Variants in NHSL1 observed in about 807,000 individuals in gnomAD.
NHSL1 encodes NHS-like protein 1.
A neutral mutation model predicts 95.0 loss-of-function variants in NHSL1; 48 were observed. The ratio of observed to expected loss-of-function variants is 0.51; its 90% CI spans 0.40 to 0.64. The LOEUF (loss-of-function observed/expected upper bound fraction) is 0.64, where lower values mean the gene tolerates loss of function less well. NHSL1 is among the 30% of genes least tolerant of loss of function. The probability of loss-of-function intolerance (pLI) is 0.00; values close to 1 mark genes in which losing one functional copy is unlikely to be tolerated. For missense variants in NHSL1, 1,971 were observed against 2,077.7 expected (o/e 0.95, Z 1.00); for synonymous variants, 783 against 833.9 (o/e 0.94, Z 1.05).
chr6:138,527,322 T>C (rs910742316), intron 1 of NHSL1, among the ~76,000 whole-genome samples: 3 of 151,020 alleles, frequency 2.0e-5, no homozygotes, highest in African/African-American at 7.3e-5. Context: ...TCGCTCTGAG[T>C]TTGCTCACAA....
At chr6:138,665,334 T>C (rs1785280927) in intron 1 of NHSL1, among the ~76,000 whole-genome samples, 1 of 152,182 alleles carries the variant, frequency 6.6e-6, no homozygotes, top group African/African-American at 2.4e-5. Context: ...ATTGCCAACA[T>C]CCTGCTGAAT....
chr6:138,525,458 G>A (rs976033767), intron 1 of NHSL1, among the ~76,000 whole-genome samples: 5 of 151,714 alleles, frequency 3.3e-5, no homozygotes, highest in African/African-American at 1.2e-4. Context: ...AGCCCAGGAA[G>A]TCGAGGATGT....
intron 1 of NHSL1, among the ~76,000 whole-genome samples, chr6:138,608,603 C>G (rs57442951): frequency 0.068 from 10,358 of 152,232 alleles, 563 homozygotes; most frequent in East Asian, 0.27. Context: ...GTTATCCATA[C>G]TGAAAATTTT....
intron 1 of NHSL1, among the ~76,000 whole-genome samples, chr6:138,636,145 C>T (rs1253161645): frequency 6.7e-6 from 1 of 148,366 alleles, no homozygotes; most frequent in Non-Finnish European, 1.5e-5. Context: ...AAAAATACAT[C>T]AACAGAATGA....
At chr6:138,437,361 T>TAC (rs1776208114) in intron 5 of NHSL1, among the ~76,000 whole-genome samples, 3 of 54,070 alleles carry the variant, frequency 5.5e-5, no homozygotes, top group Non-Finnish European at 9.4e-5. Context: ...TATATACACA[T>TAC]ATATATATAT....
At chr6:138,509,804 A>G (rs1781135403) in intron 1 of NHSL1, among the ~76,000 whole-genome samples, 1 of 152,192 alleles carries the variant, frequency 6.6e-6, no homozygotes, top group African/African-American at 2.4e-5. Context: ...TAAACCACCT[A>G]GTGTCTGCAA....
upstream of NHSL1, among the ~76,000 whole-genome samples, chr6:138,547,308 T>C (rs1782836887): frequency 7.1e-6 from 1 of 139,878 alleles, no homozygotes; most frequent in Non-Finnish European, 1.5e-5. Flanking sequence ...AAGAGGTCTC[T>C]AGCCAGAAGC....
At chr6:138,691,293 T>G (rs907623629) in intron 1 of NHSL1, among the ~76,000 whole-genome samples, 4 of 152,218 alleles carry the variant, frequency 2.6e-5, no homozygotes, top group Non-Finnish European at 5.9e-5. Context: ...ATGAATGTGT[T>G]GACGGCACAA....
chr6:138,431,946 C>G lies in NHSL1; in HGVS notation c.2399G>C (p.Cys800Ser). The G allele has an allele frequency of 6.4e-7, 1 of 1,551,766 alleles. No individual in the cohort carries two copies. The highest frequency in any genetic ancestry group is 8.7e-7 in the Non-Finnish European group (1 of 1,147,004). Residue 800 changes from cysteine (C) to serine (S), a missense_variant, in exon 6 of 8, where the codon TGT becomes TCT. Around this residue, in one of 3 missense-constraint regions of NHSL1, gnomAD observed 1,602 missense variants for 1,654.5 expected, o/e 0.97. Coordinates refer to ENST00000343505, the MANE Select transcript of NHSL1 (RefSeq NM_001144060.2). This position sits in a 1 kb window ranked among gnomAD's most constrained non-coding sequence, Gnocchi z 4.0. ...QEDPGNPAGG[C>S]STSSGVPTGN... Reference sequence around the variant, plus strand: ...AGTGGGCACCCCACTGCTGGTTGAACAGCCCCCTGCCGGGTTCCCCGGATC... The same window carrying G: ...AGTGGGCACCCCACTGCTGGTTGAAGAGCCCCCTGCCGGGTTCCCCGGATC...
At chr6:138,479,001 C>G (rs1278044000) in intron 2 of NHSL1, among the ~76,000 whole-genome samples, 1 of 152,184 alleles carries the variant, frequency 6.6e-6, no homozygotes, top group East Asian at 1.9e-4. Context: ...CTCCAAATCT[C>G]TATGCATTAA....
chr6:138,432,606 C>T lies in NHSL1; in HGVS notation c.1739G>A (p.Ser580Asn), dbSNP rs903685056. ...GTCCAAACTGCAGCTGCTCATGTTA[C>T]TTGTGGGAGTGGAATAGCCAGGAGT... is the stretch of plus-strand genomic sequence containing the variant. ...LATPGYSTPTSNMSSCSLDQT... is the reference protein window; with the variant it reads ...LATPGYSTPTNNMSSCSLDQT... Residue 580 changes from serine (S) to asparagine (N), a missense_variant, in exon 6 of 8, where the codon AGT (serine) becomes AAT (asparagine). Physicochemically the swap from Ser to Asn is conservative, Grantham distance 46. Coordinates refer to ENST00000343505, the MANE Select transcript of NHSL1 (RefSeq NM_001144060.2). The surrounding 1 kb of genome is among the most constrained non-coding windows in gnomAD (Gnocchi z 4.4). 1 of 1,551,748 alleles carries T rather than the reference C, an allele frequency of 6.4e-7. No individual in the cohort carries two copies. Among genetic ancestry groups the T allele is most frequent in the South Asian group, 1.2e-5 (1 of 84,062 alleles).
chr6:138,629,487 A>G (rs561332684), intron 1 of NHSL1, among the ~76,000 whole-genome samples: 13 of 152,164 alleles, frequency 8.5e-5, no homozygotes, highest in Middle Eastern at 3.4e-3. Flanking sequence ...AGTTCAAGCA[A>G]TTCTCCTGCC....
intron 5 of NHSL1, among the ~76,000 whole-genome samples, chr6:138,440,829 T>C (rs1253899761): frequency 1.3e-5 from 2 of 152,234 alleles, no homozygotes; most frequent in Non-Finnish European, 2.9e-5. Context: ...TCATTTTGAC[T>C]AAAAGACTAA....
In NHSL1 at chr6:138,483,868, C is replaced by T. The variant is rs549429980; in HGVS notation, c.212-10435G>A. On this transcript the variant is annotated intron_variant, in intron 2 of 7. Transcript: ENST00000343505. ...ATGATCTGTATTTGTTGGACAGTAG[C>T]GTGCTTGAAGGGGTACTGTAACTAT... Among the ~76,000 whole-genome samples, 160 of 152,214 alleles carry T rather than the reference C, an allele frequency of 1.1e-3. 2 individuals are homozygous for T. The Middle Eastern group carries it at 0.014, about 13-fold the overall frequency.
chr6:138,484,015 C>T lies in NHSL1; in HGVS notation c.212-10582G>A, dbSNP rs78187853. Among the ~76,000 whole-genome samples the T allele has an allele frequency of 1.2e-3, 188 of 152,264 alleles. 1 individual carries two copies. The highest frequency in any genetic ancestry group is 4.2e-3 in the African/African-American group (176 of 41,562). ...CATTAAATGGGCCTCTTCTCCCATC[C>T]ACAACTCACATATTTGAGTAATAAG... On this transcript the variant is annotated intron_variant, in intron 2 of 7. Coordinates refer to ENST00000343505, the MANE Select transcript of NHSL1 (RefSeq NM_001144060.2).
chr6:138,595,484 G>A (rs909746675), intron 1 of NHSL1, among the ~76,000 whole-genome samples: 1 of 152,212 alleles, frequency 6.6e-6, no homozygotes, highest in South Asian at 2.1e-4. Context: ...GCCAAGGTGG[G>A]AGGATCACTT....
At chr6:138,440,576 G>C (rs1385157947) in intron 5 of NHSL1, among the ~76,000 whole-genome samples, 1 of 151,824 alleles carries the variant, frequency 6.6e-6, no homozygotes, top group African/African-American at 2.4e-5. Context: ...CAAAGGCAGA[G>C]CATTGCTATT....
intron 1 of NHSL1, among the ~76,000 whole-genome samples, chr6:138,658,618 C>A (rs2114726916): frequency 6.6e-6 from 1 of 152,282 alleles, no homozygotes; most frequent in African/African-American, 2.4e-5. Flanking sequence ...GTTTCCATAT[C>A]TTGGTATTGC....
intron 1 of NHSL1, among the ~76,000 whole-genome samples, chr6:138,662,009 GGCT>G (rs1785233992): frequency 6.6e-6 from 1 of 152,118 alleles, no homozygotes; most frequent in African/African-American, 2.4e-5. Flanking sequence ...ACAAGTTTGA[GGCT>G]GCAGTGAGAT....
Sources: allele counts gnomAD v4.1 joint callset (sites outside exome capture counted in the v4.1 genomes callset), GRCh38; gene constraint gnomAD v4.1.1; regional missense constraint gnomAD v4.1.1; non-coding constraint Gnocchi (gnomAD v3.1); transcripts MANE v1.5; gene names NCBI Gene and HGNC (gene_info 2026-07-23, HGNC 2026-07-21).